C1GALT1: variants seen among roughly 807,000 people sequenced by gnomAD.
C1GALT1 encodes the protein glycoprotein-N-acetylgalactosamine 3-beta-galactosyltransferase 1.
C1GALT1 carries 11 observed loss-of-function variants against 31.0 expected under a neutral mutation model. The ratio of observed to expected loss-of-function variants is 0.36; its 90% CI spans 0.22 to 0.59. C1GALT1 has a LOEUF of 0.59. C1GALT1 is among the 20% of genes least tolerant of loss of function. The pLI, the probability that C1GALT1 is intolerant of heterozygous loss-of-function variation, is 0.79. For synonymous variants in C1GALT1, 175 were observed against 143.6 expected (o/e 1.22, Z -1.56); for missense variants, 424 against 425.2 (o/e 1.00, Z 0.03).
intron 2 of C1GALT1, among the ~76,000 whole-genome samples, chr7:7,174,687 CT>C (rs1489195129): frequency 2.0e-5 from 3 of 152,016 alleles, no homozygotes; most frequent in Non-Finnish European, 2.9e-5. Flanking sequence ...TTTCAGTGGT[CT>C]TATCTTCAAG....
chr7:7,238,214 A>G lies in C1GALT1; in HGVS notation c.221-41A>G. On this transcript the variant is annotated intron_variant, in intron 2 of 3. Coordinates refer to ENST00000436587, the MANE Select transcript of C1GALT1 (RefSeq NM_020156.5). The surrounding 1 kb of genome is among the most constrained non-coding windows in gnomAD (Gnocchi z 5.2). Reference sequence around the variant, plus strand: ...TATAATTTATTAATATTTGGATTTTACATCTATGTAAATAACCTTTTAAAA... The same window carrying G: ...TATAATTTATTAATATTTGGATTTTGCATCTATGTAAATAACCTTTTAAAA... The G allele has an allele frequency of 6.8e-7, 1 of 1,479,508 alleles. No individual in the cohort carries two copies. Among genetic ancestry groups the G allele is most frequent in the Non-Finnish European group, 9.1e-7 (1 of 1,096,576 alleles). The allele number at this position is 1,479,508 out of a possible 1,614,324, so 91.6% of individuals were successfully genotyped here. A position where few individuals can be genotyped will look rare whatever the true frequency, so the allele number is the denominator to read the frequency against.
At chr7:7,167,118 G>A (rs1780406771) in intron 2 of C1GALT1, among the ~76,000 whole-genome samples, 2 of 152,184 alleles carry the variant, frequency 1.3e-5, no homozygotes, top group African/African-American at 4.8e-5. Context: ...GGGCCAGGGA[G>A]GAAGACCAGT....
At chr7:7,167,148 T>C (rs1412404976) in intron 2 of C1GALT1, among the ~76,000 whole-genome samples, 2 of 152,190 alleles carry the variant, frequency 1.3e-5, no homozygotes, top group African/African-American at 4.8e-5. Flanking sequence ...GCATATTCTT[T>C]ACCTATACTC....
At chr7:7,191,939 G>C (rs555912621) in intron 1 of C1GALT1, among the ~76,000 whole-genome samples, 5 of 151,996 alleles carry the variant, frequency 3.3e-5, no homozygotes, top group African/African-American at 9.6e-5. Flanking sequence ...ACTGTTGATA[G>C]GGTCTTCTGG....
At chr7:7,203,767 G>A (rs1277028387) in intron 1 of C1GALT1, among the ~76,000 whole-genome samples, 1 of 151,834 alleles carries the variant, frequency 6.6e-6, no homozygotes, top group African/African-American at 2.4e-5. Context: ...TACATATAAT[G>A]TATCAGGGTA....
intron 2 of C1GALT1, among the ~76,000 whole-genome samples, chr7:7,168,719 C>T (rs188250626): frequency 6.6e-6 from 1 of 152,240 alleles, no homozygotes; most frequent in African/African-American, 2.4e-5. Flanking sequence ...ACTTTAATTA[C>T]CTGTAAGAAT....
chr7:7,166,223 A>G (rs77360562), intron 2 of C1GALT1, among the ~76,000 whole-genome samples: 3,855 of 152,290 alleles, frequency 0.025, 140 homozygotes, highest in East Asian at 0.16. Flanking sequence ...AGAGTGTAGC[A>G]CAGGTTTAGG....
At chr7:7,170,817 T>G (rs1438046556) in intron 2 of C1GALT1, among the ~76,000 whole-genome samples, 1 of 151,928 alleles carries the variant, frequency 6.6e-6, no homozygotes, top group African/African-American at 2.4e-5. Context: ...TGTTTTAATA[T>G]GTGTGTTTTC....
At position 7,238,585 on chromosome 7, in the gene C1GALT1, C is replaced by T; in HGVS notation, c.551C>T (p.Ser184Leu). 1 of 1,614,036 alleles carries T rather than the reference C, an allele frequency of 6.2e-7. No individual in the cohort carries two copies. The highest frequency in any genetic ancestry group is 2.2e-5 in the East Asian group (1 of 44,874). Residue 184 changes from serine (S) to leucine (L), a missense_variant, in exon 3 of 4, where the codon TCA becomes TTA. This residue lies in a region of C1GALT1 where 44 missense variants were observed against 78.3 expected (regional missense o/e 0.56). Coordinates refer to ENST00000436587, the MANE Select transcript of C1GALT1 (RefSeq NM_020156.5). The surrounding 1 kb of genome is among the most constrained non-coding windows in gnomAD (Gnocchi z 5.2). The part of the protein sequence containing the change: ...VILDNLRWLL[S>L]KYDPEEPIYF... ...CTAGACAATTTGAGGTGGCTTCTTT[C>T]AAAATACGACCCTGAAGAACCCATT... is the stretch of plus-strand genomic sequence containing the variant.
At chr7:7,222,779 G>A (rs981129813) in intron 1 of C1GALT1, among the ~76,000 whole-genome samples, 1 of 152,196 alleles carries the variant, frequency 6.6e-6, no homozygotes, top group Admixed American at 6.5e-5. Context: ...ACAGAAGTAT[G>A]TAGAAATGAG....
intron 2 of C1GALT1, among the ~76,000 whole-genome samples, chr7:7,158,544 T>C (rs1780298835): frequency 6.6e-6 from 1 of 151,394 alleles, no homozygotes; most frequent in African/African-American, 2.4e-5. Context: ...AGTATGTTTT[T>C]TCATTATATT....
At chr7:7,216,972 A>C (rs999928026) in intron 1 of C1GALT1, among the ~76,000 whole-genome samples, 16 of 106,806 alleles carry the variant, frequency 1.5e-4, no homozygotes, top group Non-Finnish European at 2.3e-4. Flanking sequence ...GTATTCCTGC[A>C]CATTAGACAC....
At chr7:7,231,124 G>A (rs1042252428) in intron 1 of C1GALT1, among the ~76,000 whole-genome samples, 1 of 152,030 alleles carries the variant, frequency 6.6e-6, no homozygotes, top group African/African-American at 2.4e-5. Context: ...CATTTTTGCT[G>A]GATACAGAAT....
chr7:7,238,593 G>A lies in C1GALT1; in HGVS notation c.559G>A (p.Asp187Asn), dbSNP rs369427539. The change falls in exon 3 of 4, where the codon GAC becomes AAC. Residue 187 changes from aspartate to asparagine, a missense_variant. Asp to Asn is a conservative substitution (Grantham distance 23). This residue lies in a region of C1GALT1 where 44 missense variants were observed against 78.3 expected (regional missense o/e 0.56). Coordinates refer to ENST00000436587, the MANE Select transcript of C1GALT1 (RefSeq NM_020156.5). The surrounding 1 kb of genome is among the most constrained non-coding windows in gnomAD (Gnocchi z 5.2). ...DNLRWLLSKYDPEEPIYFGRR... is the reference protein window; with the variant it reads ...DNLRWLLSKYNPEEPIYFGRR... ...TTTGAGGTGGCTTCTTTCAAAATAC[G>A]ACCCTGAAGAACCCATTTACTTTGG... 27 of 1,613,934 alleles carry A rather than the reference G, an allele frequency of 1.7e-5. No homozygotes were observed. The highest frequency in any genetic ancestry group is 1.7e-4 in the Middle Eastern group (1 of 6,060).
chr7:7,158,862 T>A (rs774824828), intron 2 of C1GALT1, among the ~76,000 whole-genome samples: 6 of 152,108 alleles, frequency 3.9e-5, no homozygotes, highest in Non-Finnish European at 8.8e-5. Flanking sequence ...TTAGACGGCC[T>A]ATTGATTTTC....
intron 1 of C1GALT1, among the ~76,000 whole-genome samples, chr7:7,192,969 A>G (rs150179527): frequency 0.033 from 5,023 of 151,964 alleles, 186 homozygotes; most frequent in African/African-American, 0.092. Flanking sequence ...GGAATTGTCT[A>G]TTCATGTCCT....
chr7:7,170,091 T>G (rs954022888), intron 2 of C1GALT1, among the ~76,000 whole-genome samples: 1 of 152,238 alleles, frequency 6.6e-6, no homozygotes, highest in African/African-American at 2.4e-5. Flanking sequence ...TTAATTTGTG[T>G]GTTTATCCAT....
chr7:7,170,411 A>G (rs142543215), intron 2 of C1GALT1, among the ~76,000 whole-genome samples: 12 of 152,266 alleles, frequency 7.9e-5, no homozygotes, highest in African/African-American at 2.6e-4. Flanking sequence ...AGGAATTTAT[A>G]GTTATAAGTT....
intron 1 of C1GALT1, among the ~76,000 whole-genome samples, chr7:7,223,593 C>T (rs964583864): frequency 6.6e-6 from 1 of 152,082 alleles, no homozygotes; most frequent in South Asian, 2.1e-4. Flanking sequence ...ATTATTTTGG[C>T]ATGTGTATCT....
Sources: gnomAD v4.1 joint callset for allele counts (sites outside exome capture counted in the v4.1 genomes callset) on GRCh38, gnomAD v4.1.1 for gene constraint, gnomAD v4.1.1 regional missense constraint, Gnocchi (gnomAD v3.1) non-coding constraint, MANE v1.5 for transcripts, NCBI Gene and HGNC (gene_info 2026-07-23, HGNC 2026-07-21) for gene names.